Variants in SGCE observed in about 807,000 individuals in gnomAD.
SGCE encodes epsilon-sarcoglycan.
SGCE carries 26 observed loss-of-function variants against 57.8 expected under a neutral mutation model. The observed-to-expected ratio is 0.45, with a 90% CI of 0.33 to 0.62. The LOEUF (loss-of-function observed/expected upper bound fraction) is 0.62, where lower values mean the gene tolerates loss of function less well. Ranked by LOEUF, SGCE falls within the 20% of genes least tolerant of loss-of-function variation. The probability of loss-of-function intolerance (pLI) is 0.02; values close to 1 mark genes in which losing one functional copy is unlikely to be tolerated. For missense variants in SGCE, 468 were observed against 548.6 expected (o/e 0.85, Z 1.47); for synonymous variants, 183 against 189.5 (o/e 0.97, Z 0.28).
chr7:94,633,973 G>A (rs1254284005), intron 1 of SGCE, among the ~76,000 whole-genome samples: 1 of 152,020 alleles, frequency 6.6e-6, no homozygotes, highest in East Asian at 1.9e-4. Context: ...TGGCTATAAA[G>A]ATAAAATAAC....
chr7:94,606,909 A>C (rs1800229159), intron 5 of SGCE, among the ~76,000 whole-genome samples: 1 of 152,170 alleles, frequency 6.6e-6, no homozygotes, highest in Non-Finnish European at 1.5e-5. Flanking sequence ...AAATATTCTG[A>C]ATTAAATAAA....
At chr7:94,633,001 G>A (rs1250038521) in intron 1 of SGCE, among the ~76,000 whole-genome samples, 1 of 151,956 alleles carries the variant, frequency 6.6e-6, no homozygotes, top group African/African-American at 2.4e-5. Flanking sequence ...AGCAAGTCTT[G>A]AAAATCAAAT....
intron 9 of SGCE, among the ~76,000 whole-genome samples, chr7:94,595,973 T>C (rs1798342771): frequency 6.6e-6 from 1 of 152,158 alleles, no homozygotes; most frequent in Non-Finnish European, 1.5e-5. Context: ...AGAATAATCA[T>C]TGTGAACATC....
chr7:94,587,321 A>T (rs963458353), intron 10 of SGCE: 21 of 1,000,072 alleles, frequency 2.1e-5, no homozygotes, highest in Middle Eastern at 5.0e-4. Flanking sequence ...GTGGGTAAGT[A>T]AGTAAAATCT....
At chr7:94,595,403 G>A (rs761039169) in intron 9 of SGCE, among the ~76,000 whole-genome samples, 17 of 152,094 alleles carry the variant, frequency 1.1e-4, no homozygotes, top group Non-Finnish European at 2.2e-4. Flanking sequence ...AATATTTCCG[G>A]TATCAATCTG....
At position 94,628,379 on chromosome 7, in the gene SGCE, T is replaced by C; in HGVS notation, c.233-20A>G. On this transcript the variant is annotated intron_variant, in intron 2 of 10. Transcript: ENST00000648936. ...TCTCGCCTAGATAAGAAACAGAGAA[T>C]TAAGACATAAGACAGTTATTTTCAC... 6.3e-7 allele frequency: 1 copy of C among 1,578,376 alleles called. No homozygotes were observed. The highest frequency in any genetic ancestry group is 8.7e-7 in the Non-Finnish European group (1 of 1,149,424).
At chr7:94,633,882 G>A (rs754939914) in intron 1 of SGCE, among the ~76,000 whole-genome samples, 2 of 152,186 alleles carry the variant, frequency 1.3e-5, no homozygotes, top group African/African-American at 2.4e-5. Flanking sequence ...ATAAGCACAG[G>A]CACACACACA....
intron 8 of SGCE, chr7:94,599,494 G>A (rs1467072848): frequency 6.9e-6 from 4 of 580,290 alleles, no homozygotes; most frequent in East Asian, 2.8e-5. Flanking sequence ...TTTTATCTGT[G>A]TAATCTTAGT....
chr7:94,598,515 T>C (rs1228413252), intron 9 of SGCE: 7 of 443,710 alleles, frequency 1.6e-5, no homozygotes, highest in South Asian at 2.6e-5. Context: ...TAATGTTGAG[T>C]TTAATATCAG....
chr7:94,628,310 G>A lies in SGCE; in HGVS notation c.282C>T (p.Tyr94=). ...PITFNTNLMG[Y]PDRPGWLRYI... is the part of the protein sequence containing the mutation. Reference sequence around the variant, plus strand: ...ATCGAAGCCATCCAGGTCGGTCTGGGTAACCCATTAAATTTGTATTAAATG... The same window carrying A: ...ATCGAAGCCATCCAGGTCGGTCTGGATAACCCATTAAATTTGTATTAAATG... Residue 94 remains tyrosine, a synonymous_variant, in exon 3 of 11, where the codon TAC becomes TAT. Coordinates refer to ENST00000648936, the MANE Select transcript of SGCE (RefSeq NM_003919.3). 1.2e-6 allele frequency: 2 copies of A among 1,611,608 alleles called. No homozygotes were observed. Among genetic ancestry groups the A allele is most frequent in the Non-Finnish European group, 1.7e-6 (2 of 1,178,362 alleles).
chr7:94,633,067 G>T (rs573063300), intron 1 of SGCE, among the ~76,000 whole-genome samples: 2 of 152,106 alleles, frequency 1.3e-5, no homozygotes, highest in South Asian at 4.2e-4. Flanking sequence ...AAATATACAT[G>T]TGTACAGTGC....
chr7:94,613,122 A>G (rs1304750200), intron 5 of SGCE, among the ~76,000 whole-genome samples: 1 of 152,206 alleles, frequency 6.6e-6, no homozygotes, highest in East Asian at 1.9e-4. Context: ...CAGTTTAAAA[A>G]CAAACGGAAC....
intron 3 of SGCE, chr7:94,625,628 A>G (rs960228612): frequency 7.9e-5 from 12 of 152,112 alleles, no homozygotes; most frequent in Non-Finnish European, 1.8e-4. Flanking sequence ...TTTGAGCTCT[A>G]CCAAAATGGC....
At chr7:94,597,117 C>T (rs1322561384) in intron 9 of SGCE, 1 of 151,998 alleles carries the variant, frequency 6.6e-6, no homozygotes, top group Non-Finnish European at 1.5e-5. Context: ...GCATAGAAAC[C>T]CATCCGTTGC....
At chr7:94,618,027 G>C (rs1269845647) in intron 5 of SGCE, 1 of 152,188 alleles carries the variant, frequency 6.6e-6, no homozygotes. Flanking sequence ...TCAACCTACA[G>C]ATTAAAAATT....
At chr7:94,618,673 G>T in intron 5 of SGCE, 85 bp downstream of exon 5, 1 of 1,111,184 alleles carries the variant, frequency 9.0e-7, no homozygotes, top group Non-Finnish European at 1.3e-6. Context: ...AAATGCAATA[G>T]GCCATCTTCC....
intron 5 of SGCE, 66 bp from the exon 6 acceptor site, chr7:94,603,518 C>CTTT: frequency 6.8e-7 from 1 of 1,473,798 alleles, no homozygotes; most frequent in Non-Finnish European, 9.4e-7. Context: ...AACAATCCAC[C>CTTT]TTAAAAGCAG....
chr7:94,613,303 C>T (rs1801361454), intron 5 of SGCE, among the ~76,000 whole-genome samples: 1 of 152,146 alleles, frequency 6.6e-6, no homozygotes, highest in African/African-American at 2.4e-5. Flanking sequence ...GCTACACATG[C>T]TAAAATTATG....
At chr7:94,587,563 C>CT (rs1797070469) in intron 10 of SGCE, 2 of 1,325,684 alleles carry the variant, frequency 1.5e-6, no homozygotes, top group Non-Finnish European at 1.9e-6. Flanking sequence ...ATTCATTTAT[C>CT]TTTTTTCTCT....
Sources: allele counts gnomAD v4.1 joint callset (sites outside exome capture counted in the v4.1 genomes callset), GRCh38; gene constraint gnomAD v4.1.1; transcripts MANE v1.5; gene names NCBI Gene and HGNC (gene_info 2026-07-23, HGNC 2026-07-21).